The following ANKRD42 variants were observed in gnomAD, a reference collection of about 807,000 sequenced individuals.
The protein encoded by ANKRD42 is ankyrin repeat domain 42, also known as ankyrin repeat domain-containing protein 42.
In ANKRD42, 43 loss-of-function variants were observed where a neutral mutation model predicts 51.5. The observed-to-expected ratio is 0.83, with a 90% CI of 0.65 to 1.08. ANKRD42 has a LOEUF of 1.08. Among genes scored for constraint, ANKRD42 ranks in the 50% least tolerant of loss-of-function variants. The pLI is 0.00. For synonymous variants in ANKRD42, 203 were observed against 213.0 expected (o/e 0.95, Z 0.41); for missense variants, 608 against 629.3 (o/e 0.97, Z 0.36).
intron 2 of ANKRD42, among the ~76,000 whole-genome samples, chr11:83,201,526 G>T (rs992450218): frequency 1.3e-5 from 2 of 152,174 alleles, no homozygotes; most frequent in Non-Finnish European, 2.9e-5. Context: ...ATATGACCAG[G>T]ATTGCTGGGT....
chr11:83,213,362 C>T, intron 5 of ANKRD42: 2 of 1,578,590 alleles, frequency 1.3e-6, no homozygotes, highest in East Asian at 2.3e-5. Flanking sequence ...ATCGGAGTCA[C>T]ACCAACCCCA....
At chr11:83,227,460 A>G (rs1302769034) in intron 6 of ANKRD42, among the ~76,000 whole-genome samples, 1 of 133,222 alleles carries the variant, frequency 7.5e-6, no homozygotes, top group Non-Finnish European at 1.6e-5. Flanking sequence ...TTAAATGACC[A>G]TCCCCTGTGT....
chr11:83,213,895 TA>T (rs902381665), intron 5 of ANKRD42: 3 of 153,714 alleles, frequency 2.0e-5, no homozygotes, highest in Non-Finnish European at 2.9e-5. Flanking sequence ...AGGTTTTAAT[TA>T]TTTTTTTTTT....
chr11:83,220,413 A>G (rs1249687000), intron 5 of ANKRD42, among the ~76,000 whole-genome samples: 3 of 152,152 alleles, frequency 2.0e-5, no homozygotes, highest in Non-Finnish European at 4.4e-5. Flanking sequence ...TCACCACGTG[A>G]CGATCTAGAT....
In ANKRD42 at chr11:83,240,832, G is replaced by C. The variant is rs369768778; in HGVS notation, c.1093G>C (p.Asp365His). The change falls in exon 9 of 11, where the codon GAT becomes CAT. Residue 365 changes from aspartate (D) to histidine (H), a missense_variant. By Grantham distance (81) the Asp-to-His change is moderately conservative. Coordinates refer to ENST00000533342, the MANE Select transcript of ANKRD42 (RefSeq NM_001300975.2). ...TGATATAGATGACGAAAATGAAATTGATGAAAATGATGTGAAATATTTTAT... is the reference window on the plus strand; with the variant it reads ...TGATATAGATGACGAAAATGAAATTCATGAAAATGATGTGAAATATTTTAT... ...KYDIDDENEI[D>H]ENDVKYFIRH... 127 of 1,613,996 alleles carry C rather than the reference G, an allele frequency of 7.9e-5. No homozygotes were observed. Among genetic ancestry groups the C allele is most frequent in the Non-Finnish European group, 1.1e-4 (125 of 1,179,988 alleles).
chr11:83,230,501 T>G (rs563589294), intron 7 of ANKRD42, among the ~76,000 whole-genome samples: 1 of 152,308 alleles, frequency 6.6e-6, no homozygotes, highest in Admixed American at 6.5e-5. Context: ...GGTGAGAACA[T>G]GCAAAGTTTG....
downstream of ANKRD42, among the ~76,000 whole-genome samples, chr11:83,263,500 G>A (rs1864054869): frequency 6.6e-6 from 1 of 152,114 alleles, no homozygotes; most frequent in South Asian, 2.1e-4. Flanking sequence ...CATATGCCTG[G>A]TACATTTTAA....
At chr11:83,227,695 G>A (rs1862931449) in intron 6 of ANKRD42, 52 bp from the exon 7 acceptor site, 1 of 1,552,532 alleles carries the variant, frequency 6.4e-7, no homozygotes, top group Admixed American at 2.0e-5. Context: ...TTAAGACAGG[G>A]AAAAGAATAA....
At chr11:83,237,155 A>T (rs1263489893) in intron 8 of ANKRD42, among the ~76,000 whole-genome samples, 1 of 152,192 alleles carries the variant, frequency 6.6e-6, no homozygotes, top group African/African-American at 2.4e-5. Flanking sequence ...AAACACAGTC[A>T]CCGCCCTCAA....
intron 3 of ANKRD42, among the ~76,000 whole-genome samples, chr11:83,206,838 G>T (rs900845871): frequency 6.6e-6 from 1 of 152,192 alleles, no homozygotes; most frequent in Non-Finnish European, 1.5e-5. Context: ...TGTATTGCCT[G>T]ACCAGGGTGA....
intron 6 of ANKRD42, 102 bp downstream of exon 6, chr11:83,225,157 G>A: frequency 1.2e-5 from 10 of 866,702 alleles, no homozygotes; most frequent in Admixed American, 3.3e-5. Context: ...TAAGGCAAAT[G>A]TTATATACGT....
chr11:83,262,168 C>T (rs917357995), downstream of ANKRD42, among the ~76,000 whole-genome samples: 3 of 152,060 alleles, frequency 2.0e-5, no homozygotes, highest in Non-Finnish European at 2.9e-5. Context: ...CTTAAAAGCA[C>T]CTGTATATTA....
intron 5 of ANKRD42, among the ~76,000 whole-genome samples, chr11:83,223,337 A>C (rs1211453817): frequency 6.6e-6 from 1 of 152,178 alleles, no homozygotes; most frequent in Non-Finnish European, 1.5e-5. Flanking sequence ...AGAAATAGGG[A>C]GAGTAATTGG....
chr11:83,241,725 A>G (rs11827135), intron 9 of ANKRD42, among the ~76,000 whole-genome samples: 3,189 of 152,250 alleles, frequency 0.021, 98 homozygotes, highest in African/African-American at 0.072. Context: ...TTTCACTACA[A>G]AATCTCAGCA....
At chr11:83,230,762 A>G (rs1024035118) in intron 7 of ANKRD42, among the ~76,000 whole-genome samples, 14 of 151,810 alleles carry the variant, frequency 9.2e-5, no homozygotes, top group African/African-American at 3.4e-4. Context: ...AATTTTTTGT[A>G]TTTTTAGTAG....
chr11:83,209,508 T>TG, intron 3 of ANKRD42: 2 of 1,089,778 alleles, frequency 1.8e-6, no homozygotes, highest in Non-Finnish European at 2.8e-6. Flanking sequence ...AAAACCCATT[T>TG]GATGTCTGAA....
chr11:83,257,610 G>T (rs970476914), downstream of ANKRD42, among the ~76,000 whole-genome samples: 1 of 152,130 alleles, frequency 6.6e-6, no homozygotes, highest in Non-Finnish European at 1.5e-5. Flanking sequence ...TTCCAACCTT[G>T]GCAGCAAAAG....
chr11:83,221,766 A>G (rs887556056), intron 5 of ANKRD42, among the ~76,000 whole-genome samples: 1 of 152,184 alleles, frequency 6.6e-6, no homozygotes, highest in Non-Finnish European at 1.5e-5. Context: ...GAACCTTAGT[A>G]TGGTGATGCT....
In ANKRD42 at chr11:83,194,591, C is replaced by T. The variant is rs558073333; in HGVS notation, c.-80C>T. The stretch of plus-strand genomic sequence containing the variant: ...GAGGGCCGCTGCCGCTGCAGTGGCT[C>T]GTGGGTGAGAGCAAGTGAAGACCGC... On this transcript the variant is annotated 5_prime_UTR_variant, in exon 1 of 11. Transcript: ENST00000533342. The T allele has an allele frequency of 5.6e-5, 79 of 1,417,032 alleles. No homozygotes were observed. In the African/African-American group the frequency reaches 8.2e-4, roughly 15 times the overall value. The allele number at this position is 1,417,032 out of a possible 1,614,324, so 87.8% of individuals were successfully genotyped here. A position where few individuals can be genotyped will look rare whatever the true frequency, so the allele number is the denominator to read the frequency against.
Sources: allele counts gnomAD v4.1 joint callset (sites outside exome capture counted in the v4.1 genomes callset), GRCh38; gene constraint gnomAD v4.1.1; transcripts MANE v1.5; gene names NCBI Gene and HGNC (gene_info 2026-07-23, HGNC 2026-07-21).